Variants in ZNF263 observed in about 807,000 individuals in gnomAD.
The protein encoded by ZNF263 is zinc finger protein FPM315.
Under a neutral mutation model 63.1 loss-of-function variants are expected in ZNF263, and 49 were observed. The ratio of observed to expected loss-of-function variants is 0.78; its 90% CI spans 0.62 to 0.99. The LOEUF is 0.99. ZNF263 is among the 50% of genes least tolerant of loss of function. ZNF263 has a pLI of 0.00. For synonymous variants in ZNF263, 352 were observed against 324.2 expected (o/e 1.09, Z -0.92); for missense variants, 872 against 854.8 (o/e 1.02, Z -0.25).
chr16:3,288,234 A>G (rs1959454123), intron 4 of ZNF263, among the ~76,000 whole-genome samples: 1 of 151,592 alleles, frequency 6.6e-6, no homozygotes, highest in Non-Finnish European at 1.5e-5. Context: ...CCTGGGCGAC[A>G]GAGTGAGACT....
At chr16:3,295,743 G>T (rs1029915805), downstream of ZNF263, among the ~76,000 whole-genome samples, 1 of 152,252 alleles carries the variant, frequency 6.6e-6, no homozygotes, top group African/African-American at 2.4e-5. Context: ...GGACAGAAAA[G>T]GAAGGCAGGG....
chr16:3,291,599 C>G (rs942178956), downstream of ZNF263: 2 of 693,650 alleles, frequency 2.9e-6, no homozygotes, highest in Non-Finnish European at 3.5e-6. Flanking sequence ...AGGCAGCAGA[C>G]AGGCAGAGGC....
chr16:3,300,574 T>G, intron 2 of ZNF263: 2 of 1,601,562 alleles, frequency 1.2e-6, no homozygotes, highest in Non-Finnish European at 1.7e-6. Context: ...CTTCATTTTC[T>G]CCTCCAAATT....
downstream of ZNF263, among the ~76,000 whole-genome samples, chr16:3,292,134 G>C (rs969511218): frequency 1.3e-5 from 2 of 152,118 alleles, no homozygotes; most frequent in African/African-American, 4.8e-5. Flanking sequence ...TCTAAGAGTA[G>C]GAAATCGGAT....
chr16:3,300,822 G>T, intron 2 of ZNF263: 2 of 779,368 alleles, frequency 2.6e-6, no homozygotes, highest in East Asian at 6.5e-5. Context: ...TCAGAAAGCT[G>T]CCAGTTGCAA....
At position 3,291,053 on chromosome 16, in the gene ZNF263, G is replaced by C; in HGVS notation, c.*495G>C. 1.0e-6 allele frequency: 1 copy of C among 994,274 alleles called. No homozygotes were observed. Among genetic ancestry groups the C allele is most frequent in the South Asian group, 4.4e-5 (1 of 22,674 alleles). The allele number at this position is 994,274 out of a possible 1,614,324, so 61.6% of individuals were successfully genotyped here. ...ACTGGTTGTGAGTTGCAGCTGTCCC[G>C]AAGGCCCCAGTTGGGAAGCCATGGG... On this transcript the variant is annotated 3_prime_UTR_variant, in exon 6 of 6. Coordinates refer to ENST00000219069, the MANE Select transcript of ZNF263 (RefSeq NM_005741.5).
chr16:3,283,611 C>A lies in ZNF263; in HGVS notation c.-208C>A. The A allele has an allele frequency of 3.1e-6, 2 of 654,500 alleles. No individual in the cohort carries two copies. The highest frequency in any genetic ancestry group is 4.3e-6 in the Non-Finnish European group (2 of 460,808). 40.5% of individuals were successfully genotyped at this position (654,500 alleles called of 1,614,324 possible). A position where few individuals can be genotyped will look rare whatever the true frequency, so the allele number is the denominator to read the frequency against. ...TCGGGGAAGTCCTGGCGCAGATGGG[C>A]CACGGGGCCGGCGTGGCGGCGCCTG... On this transcript the variant is annotated 5_prime_UTR_variant, in exon 1 of 6. Transcript: ENST00000219069.
chr16:3,297,046 C>A (rs537854836), intron 1 of ZNF263, among the ~76,000 whole-genome samples: 4 of 151,992 alleles, frequency 2.6e-5, no homozygotes, highest in Non-Finnish European at 5.9e-5. Context: ...GGCTCACACC[C>A]GTAATCGCAG....
chr16:3,290,076 G>A lies in ZNF263; in HGVS notation c.1570G>A (p.Gly524Arg), dbSNP rs779536061. 155 of 1,613,998 alleles carry A rather than the reference G, an allele frequency of 9.6e-5. No homozygotes were observed. Among genetic ancestry groups the A allele is most frequent in the Non-Finnish European group, 1.3e-4 (153 of 1,180,014 alleles). Residue 524 changes from glycine (G) to arginine (R), a missense_variant, in exon 6 of 6, where the codon GGG becomes AGG. Coordinates refer to ENST00000219069, the MANE Select transcript of ZNF263 (RefSeq NM_005741.5). The part of the protein sequence containing the change: ...GERPYKCPEC[G>R]KSFSRSSHLV... ...GCGACCTTATAAGTGTCCCGAGTGT[G>A]GGAAAAGTTTCTCTCGGAGTTCACA... is the stretch of plus-strand genomic sequence containing the variant.
In ZNF263 at chr16:3,290,756, T is replaced by C; in HGVS notation, c.*198T>C. The C allele has an allele frequency of 2.2e-6, 3 of 1,393,450 alleles. No individual in the cohort carries two copies. 86.3% of individuals were successfully genotyped at this position (1,393,450 alleles called of 1,614,324 possible). On this transcript the variant is annotated 3_prime_UTR_variant, in exon 6 of 6. Transcript: ENST00000219069. ...GGAGTTCTGTCTGCATGAGAAAGGA[T>C]GGCAAGTCTCTGAGGTGACCTCAGG...
chr16:3,294,631 T>G (rs1959698222), downstream of ZNF263, among the ~76,000 whole-genome samples: 1 of 152,046 alleles, frequency 6.6e-6, no homozygotes, highest in Admixed American at 6.6e-5. Flanking sequence ...CTTGCCTGAG[T>G]GGTACAGTGA....
At chr16:3,298,919 C>T (rs745865513) in intron 1 of ZNF263, 2 of 781,938 alleles carry the variant, frequency 2.6e-6, no homozygotes. Context: ...AGACAATTCA[C>T]AGCTGGCCTA....
intron 1 of ZNF263, 78 bp downstream of exon 1, chr16:3,284,283 C>T: frequency 1.4e-6 from 2 of 1,455,590 alleles, no homozygotes; most frequent in South Asian, 3.1e-5. Context: ...CGGTCGAATT[C>T]AAGTAAATTG....
In ZNF263 at chr16:3,291,123, A is replaced by C; in HGVS notation, c.*565A>C. 4.1e-6 allele frequency: 4 copies of C among 987,362 alleles called. No individual in the cohort carries two copies. The highest frequency in any genetic ancestry group is 4.8e-6 in the Non-Finnish European group (4 of 831,170). 61.2% of individuals were successfully genotyped at this position (987,362 alleles called of 1,614,324 possible). A position where few individuals can be genotyped will look rare whatever the true frequency, so the allele number is the denominator to read the frequency against. On this transcript the variant is annotated 3_prime_UTR_variant, in exon 6 of 6. Transcript: ENST00000219069. Reference sequence around the variant, plus strand: ...ACGTGCCCTACGATGGCCTAACAGGAGTGCCCATTGGCAGATTACACATGT... The same window carrying C: ...ACGTGCCCTACGATGGCCTAACAGGCGTGCCCATTGGCAGATTACACATGT...
Position 3,285,692 on chromosome 16 carries a change from C to T in ZNF263, c.580C>T (p.Pro194Ser), listed in dbSNP as rs1375169502. The T allele has an allele frequency of 6.2e-7, 1 of 1,614,126 alleles. No individual in the cohort carries two copies. Residue 194 changes from proline (P) to serine (S), a missense_variant, in exon 3 of 6, where the codon CCC becomes TCC. Physicochemically the swap from Pro to Ser is moderately conservative, Grantham distance 74. Transcript: ENST00000219069. ...QAVKERALSA[P>S]WLSLFPPEGN... Reference sequence around the variant, plus strand: ...TCTGTCACCTTCAGCATTATCTGCTCCCTGGCTTTCTCTTTTTCCTCCTGA... The same window carrying T: ...TCTGTCACCTTCAGCATTATCTGCTTCCTGGCTTTCTCTTTTTCCTCCTGA...
intron 2 of ZNF263, chr16:3,299,963 C>A (rs965632256): frequency 7.4e-6 from 12 of 1,613,828 alleles, no homozygotes; most frequent in Non-Finnish European, 9.3e-6. Context: ...GTTCCGTCTG[C>A]ATTTGCACAT....
chr16:3,296,136 C>T (rs915389144), downstream of ZNF263, among the ~76,000 whole-genome samples: 1 of 152,216 alleles, frequency 6.6e-6, no homozygotes, highest in Non-Finnish European at 1.5e-5. Flanking sequence ...GGCTCCGGCC[C>T]TTACACATCC....
chr16:3,285,292 C>T (rs1959304931), intron 2 of ZNF263, 53 bp downstream of exon 2: 2 of 1,539,176 alleles, frequency 1.3e-6, no homozygotes. Flanking sequence ...TGGGGGTTGC[C>T]CCCGACACTA....
Position 3,283,705 on chromosome 16 carries a change from T to C in ZNF263, c.-114T>C. On this transcript the variant is annotated 5_prime_UTR_variant, in exon 1 of 6. Coordinates refer to ENST00000219069, the MANE Select transcript of ZNF263 (RefSeq NM_005741.5). ...TGGAGCGGGGCTCCTCGGCCTGGAC[T>C]GGGAGCCCCCGGCCCCGGGCTCCTG... The C allele has an allele frequency of 7.2e-7, 1 of 1,385,360 alleles. No individual in the cohort carries two copies. The highest frequency in any genetic ancestry group is 9.3e-7 in the Non-Finnish European group (1 of 1,073,636). The allele number at this position is 1,385,360 out of a possible 1,614,324, so 85.8% of individuals were successfully genotyped here. A position where few individuals can be genotyped will look rare whatever the true frequency, so the allele number is the denominator to read the frequency against.
Sources: gnomAD v4.1 joint callset for allele counts (sites outside exome capture counted in the v4.1 genomes callset) on GRCh38, gnomAD v4.1.1 for gene constraint, MANE v1.5 for transcripts, NCBI Gene and HGNC (gene_info 2026-07-23, HGNC 2026-07-21) for gene names.